Variants in KIAA1217 observed in about 807,000 individuals in gnomAD.
KIAA1217 encodes the protein KIAA1217.
In KIAA1217, 88 loss-of-function variants were observed where a neutral mutation model predicts 163.9. The ratio of observed to expected loss-of-function variants is 0.54; its 90% CI spans 0.45 to 0.64. KIAA1217 has a LOEUF of 0.64. Ranked by LOEUF, KIAA1217 falls within the 30% of genes least tolerant of loss-of-function variation. The pLI, the probability that KIAA1217 is intolerant of heterozygous loss-of-function variation, is 0.00. For missense variants in KIAA1217, 2,372 were observed against 2,475.0 expected, an observed-to-expected ratio of 0.96 and a Z score of 0.88; for synonymous variants, 903 against 923.1, an observed-to-expected ratio of 0.98 and a Z score of 0.39.
chr10:24,491,521 C>G lies in KIAA1217; in HGVS notation c.1680-2979C>G, dbSNP rs531961606. On this transcript the variant is annotated intron_variant, in intron 6 of 20. Coordinates refer to ENST00000376454, the MANE Select transcript of KIAA1217 (RefSeq NM_019590.5). ...GCCAGGCTGGTCTCGAACTCTTGACCTCAAGTGATCCACCTGCCTTGGCCT... is the reference window on the plus strand; with the variant it reads ...GCCAGGCTGGTCTCGAACTCTTGACGTCAAGTGATCCACCTGCCTTGGCCT... Among the ~76,000 whole-genome samples, 7 of 152,196 alleles carry G rather than the reference C, an allele frequency of 4.6e-5. No homozygotes were observed. The East Asian group carries it at 1.4e-3, about 29-fold the overall frequency.
intron 2 of KIAA1217, among the ~76,000 whole-genome samples, chr10:24,262,947 CAA>C (rs1170873868): frequency 7.6e-4 from 74 of 97,854 alleles, no homozygotes; most frequent in Middle Eastern, 8.1e-3. Flanking sequence ...GACCCTGTCT[CAA>C]AAAAAAAAAA....
At position 24,262,947 on chromosome 10, in the gene KIAA1217, C is replaced by CA. The variant is rs1170873868; in HGVS notation, c.354+43054dup. ...TCTGGGTAACAGCAAGACCCTGTCT[C>CA]AAAAAAAAAAAAAAAAGAGAAAAGT... On this transcript the variant is annotated intron_variant, in intron 2 of 20. Coordinates refer to ENST00000376454, the MANE Select transcript of KIAA1217 (RefSeq NM_019590.5). Among the ~76,000 whole-genome samples the CA allele has an allele frequency of 8.1e-3, 788 of 97,812 alleles. 5 individuals are homozygous for CA. The highest frequency in any genetic ancestry group is 0.022 in the African/African-American group (569 of 25,812). The allele number at this position is 97,812 out of a possible 152,430, so 64.2% of individuals were successfully genotyped here.
intron 3 of KIAA1217, among the ~76,000 whole-genome samples, chr10:24,415,490 A>G (rs554351797): frequency 1.5e-4 from 23 of 149,514 alleles, no homozygotes; most frequent in African/African-American, 4.9e-4. Flanking sequence ...GCTCTTGGGG[A>G]AAAAAAAAAG....
At chr10:24,484,195 A>G (rs2133391768) in intron 6 of KIAA1217, among the ~76,000 whole-genome samples, 1 of 141,316 alleles carries the variant, frequency 7.1e-6, no homozygotes, top group Admixed American at 7.2e-5. Flanking sequence ...ATATATATTG[A>G]TATACATATA....
intron 5 of KIAA1217, among the ~76,000 whole-genome samples, chr10:24,468,831 T>C (rs1653453360): frequency 6.6e-6 from 1 of 152,070 alleles, no homozygotes; most frequent in African/African-American, 2.4e-5. Flanking sequence ...TTACTTTTAG[T>C]TAATTGTTAT....
At chr10:24,006,143 T>C (rs1009752452) in intron 1 of KIAA1217, among the ~76,000 whole-genome samples, 1 of 152,192 alleles carries the variant, frequency 6.6e-6, no homozygotes, top group Admixed American at 6.5e-5. Flanking sequence ...CAAGAAATAA[T>C]TTAAATTGTA....
rs976050239 is a variant in KIAA1217 at position 24,456,165 on chromosome 10, C to T, written c.847-17063C>T. ...CCTCCCAAAGTGCTGGGACTACAGG[C>T]GTGAGCCACCATGTCCAGCCTGGAC... On this transcript the variant is annotated intron_variant, in intron 5 of 20. Transcript: ENST00000376454. 4.6e-5 allele frequency among the ~76,000 whole-genome samples: 7 copies of T among 152,300 alleles called. 1 individual carries two copies. Among genetic ancestry groups the T allele is most frequent in the Admixed American group, 6.5e-5 (1 of 15,298 alleles).
intron 2 of KIAA1217, among the ~76,000 whole-genome samples, chr10:24,290,961 A>G (rs2079035196): frequency 1.3e-5 from 2 of 152,098 alleles, no homozygotes. Context: ...AAATACATCC[A>G]GTGGGAATGG....
At chr10:24,450,358 T>C (rs551623210) in intron 5 of KIAA1217, among the ~76,000 whole-genome samples, 18 of 152,352 alleles carry the variant, frequency 1.2e-4, no homozygotes, top group Non-Finnish European at 2.4e-4. Context: ...TAAAAACTTC[T>C]ACAGTTTTAA....
rs769002700 is a variant in KIAA1217, at chr10:24,528,134, C to T, written c.3082+15C>T. On this transcript the variant is annotated intron_variant, in intron 14 of 20. Transcript: ENST00000376454. The stretch of plus-strand genomic sequence containing the variant: ...GGAACTTTCAGGTAAGTTCCGGTCC[C>T]ACAGCAGGAATATATGGAGGTACAT... 2 of 1,612,628 alleles carry T rather than the reference C, an allele frequency of 1.2e-6. No homozygotes were observed. The highest frequency in any genetic ancestry group is 1.1e-5 in the South Asian group (1 of 90,958).
intron 2 of KIAA1217, among the ~76,000 whole-genome samples, chr10:24,123,812 A>G (rs2063372712): frequency 6.6e-6 from 1 of 152,198 alleles, no homozygotes; most frequent in Non-Finnish European, 1.5e-5. Flanking sequence ...AATACTTGGA[A>G]TTATCTGATA....
chr10:23,824,355 C>T (rs1837767987), intron 1 of KIAA1217, among the ~76,000 whole-genome samples: 1 of 151,364 alleles, frequency 6.6e-6, no homozygotes, highest in Non-Finnish European at 1.5e-5. Context: ...GTAGGCCGGG[C>T]GCGGTGGCTC....
At chr10:23,852,207 G>A (rs1242282385) in intron 1 of KIAA1217, among the ~76,000 whole-genome samples, 3 of 152,074 alleles carry the variant, frequency 2.0e-5, no homozygotes, top group Admixed American at 2.0e-4. Flanking sequence ...TGTAAGGAAG[G>A]GATCCAGTTT....
intron 2 of KIAA1217, among the ~76,000 whole-genome samples, chr10:24,087,565 T>C (rs1432979827): frequency 6.6e-6 from 1 of 152,188 alleles, no homozygotes; most frequent in African/African-American, 2.4e-5. Context: ...AATGCTTGAG[T>C]TAACTGATAA....
intron 2 of KIAA1217, among the ~76,000 whole-genome samples, chr10:24,069,937 T>C (rs2061119662): frequency 6.6e-6 from 1 of 152,184 alleles, no homozygotes. Context: ...ACTCCTGGGC[T>C]CAAGAAATCC....
intron 1 of KIAA1217, among the ~76,000 whole-genome samples, chr10:23,938,198 G>A (rs1386939158): frequency 1.3e-5 from 2 of 152,042 alleles, no homozygotes; most frequent in African/African-American, 4.8e-5. Flanking sequence ...TGGAATAGTC[G>A]GTGTTTCCAC....
chr10:23,701,621 C>A (rs369829106), intron 1 of KIAA1217, among the ~76,000 whole-genome samples: 31 of 152,294 alleles, frequency 2.0e-4, no homozygotes, highest in African/African-American at 7.5e-4. Context: ...ACAACAAAAA[C>A]TAATAATAAA....
At chr10:23,854,294 G>A (rs1018195948) in intron 1 of KIAA1217, among the ~76,000 whole-genome samples, 2 of 152,154 alleles carry the variant, frequency 1.3e-5, no homozygotes, top group Non-Finnish European at 2.9e-5. Flanking sequence ...TCAGGAGCAG[G>A]TTGTTCAGTT....
chr10:24,470,623 G>A (rs550538256), intron 5 of KIAA1217, among the ~76,000 whole-genome samples: 9 of 152,228 alleles, frequency 5.9e-5, no homozygotes, highest in Non-Finnish European at 1.2e-4. Flanking sequence ...TTTTGGGAGG[G>A]GAGTAGAGAG....
Sources: allele counts gnomAD v4.1 joint callset (sites outside exome capture counted in the v4.1 genomes callset), GRCh38; gene constraint gnomAD v4.1.1; transcripts MANE v1.5; gene names NCBI Gene and HGNC (gene_info 2026-07-23, HGNC 2026-07-21).